Variants in MAEA observed in about 807,000 individuals in gnomAD.
The protein encoded by MAEA is E3 ubiquitin-protein transferase MAEA.
Under a neutral mutation model 46.2 loss-of-function variants are expected in MAEA, and 22 were observed. That is an observed-to-expected ratio of 0.48 (90% CI 0.34 to 0.68). The LOEUF (loss-of-function observed/expected upper bound fraction) is 0.68. MAEA is among the 30% of genes least tolerant of loss of function. The pLI, the probability that MAEA is intolerant of heterozygous loss-of-function variation, is 0.01. For synonymous variants in MAEA, 246 were observed against 222.6 expected (o/e 1.11, Z -0.94); for missense variants, 393 against 558.1 (o/e 0.70, Z 2.98).
chr4:1,309,088 C>T (rs1736119646), intron 1 of MAEA, among the ~76,000 whole-genome samples: 1 of 152,184 alleles, frequency 6.6e-6, no homozygotes, highest in African/African-American at 2.4e-5. Flanking sequence ...TGGCCCCTCT[C>T]TGCATTGCTG....
At chr4:1,317,386 C>CTCCGGACTCATCTGCAGGCCCCACAT (rs1443186621) in intron 3 of MAEA, among the ~76,000 whole-genome samples, 2 of 149,900 alleles carry the variant, frequency 1.3e-5, no homozygotes, top group African/African-American at 5.0e-5. Context: ...AGGCCCCACA[C>CTCCGGACTCATCTGCAGGCCCCACAT]TCCGGACTCA....
At chr4:1,308,521 C>A (rs1024166208) in intron 1 of MAEA, among the ~76,000 whole-genome samples, 1 of 152,218 alleles carries the variant, frequency 6.6e-6, no homozygotes, top group African/African-American at 2.4e-5. Context: ...CTACACGCTG[C>A]GCCGGGCACG....
chr4:1,327,769 C>T (rs1739032996), intron 5 of MAEA, 66 bp downstream of exon 5: 3 of 1,449,730 alleles, frequency 2.1e-6, no homozygotes, highest in African/African-American at 2.8e-5. Flanking sequence ...CCCTGCCAGC[C>T]CTCCCTGTCG....
intron 1 of MAEA, among the ~76,000 whole-genome samples, chr4:1,306,768 G>C (rs188674810): frequency 3.9e-5 from 6 of 152,352 alleles, no homozygotes; most frequent in Admixed American, 1.3e-4. Context: ...ATTGTTGCCT[G>C]TCTCAAGGAT....
intron 5 of MAEA, chr4:1,329,277 G>C: frequency 1.0e-6 from 1 of 983,042 alleles, no homozygotes; most frequent in African/African-American, 1.7e-5. Context: ...TGTTCCCCCC[G>C]CTCCGCGTAG....
At chr4:1,308,289 A>G (rs142736984) in intron 1 of MAEA, among the ~76,000 whole-genome samples, 139 of 152,268 alleles carry the variant, frequency 9.1e-4, no homozygotes, top group African/African-American at 3.2e-3. Context: ...GACCACTATC[A>G]CCTGCACGGT....
Position 1,292,526 on chromosome 4 carries a change from G to A in MAEA, c.69+2544G>A, listed in dbSNP as rs557791554. 1.2e-4 allele frequency among the ~76,000 whole-genome samples: 19 copies of A among 152,250 alleles called. 1 individual carries two copies. The highest frequency in any genetic ancestry group is 8.5e-4 in the Admixed American group (13 of 15,302). On this transcript the variant is annotated intron_variant, in intron 1 of 8. Coordinates refer to ENST00000303400, the MANE Select transcript of MAEA (RefSeq NM_001017405.3). ...TCTATTTCCACCAAAGGGGTGGACC[G>A]GCCTGCGAACGTTTGGGCTGGAGGA...
intron 7 of MAEA, chr4:1,338,044 C>T (rs571318081): frequency 2.8e-5 from 6 of 215,652 alleles, no homozygotes; most frequent in South Asian, 8.6e-5. Flanking sequence ...GAACTCTGGG[C>T]GAGAGGGCTG....
At position 1,340,094 on chromosome 4, in the gene MAEA, CTG is replaced by C. The variant is rs71790588; in HGVS notation, c.*927_*928del. ...ATGTTGATGTTGACTAGCTAATAAA[CTG>C]TAAATGTAAACCATGCGAATAAAAT... On this transcript the variant is annotated 3_prime_UTR_variant, in exon 9 of 9. Coordinates refer to ENST00000303400, the MANE Select transcript of MAEA (RefSeq NM_001017405.3). The C allele has an allele frequency of 0.017, 2,593 of 152,806 alleles. 32 individuals are homozygous for C. Among genetic ancestry groups the C allele is most frequent in the Non-Finnish European group, 0.028 (1,924 of 68,038 alleles). 9.5% of individuals were successfully genotyped at this position (152,806 alleles called of 1,614,324 possible). A position where few individuals can be genotyped will look rare whatever the true frequency, so the allele number is the denominator to read the frequency against.
In MAEA at chr4:1,315,488, C is replaced by T. The variant is rs762644724; in HGVS notation, c.344C>T (p.Ala115Val). Residue 115 changes from alanine (A) to valine (V), a missense_variant, in exon 3 of 9, where the codon GCG becomes GTG. By Grantham distance (64) the Ala-to-Val change is moderately conservative. Transcript: ENST00000303400. ...HLKEHSSDQPAAASVWKRKRM... is the reference protein window; with the variant it reads ...HLKEHSSDQPVAASVWKRKRM... ...AAAGAGCATAGCAGCGACCAGCCCG[C>T]GGCGGCCAGCGTGTGGAAGAGGAAG... The T allele has an allele frequency of 1.4e-5, 22 of 1,613,870 alleles. No homozygotes were observed. Among genetic ancestry groups the T allele is most frequent in the Admixed American group, 5.0e-5 (3 of 60,006 alleles).
At position 1,294,910 on chromosome 4, in the gene MAEA, T is replaced by A. The variant is rs1734486211; in HGVS notation, c.69+4928T>A. Reference sequence around the variant, plus strand: ...GGAGCTAAGTTTTGGGGTGAGGCTCTGTGGACCGTGTTGAAGTCCTGGCCG... The same window carrying A: ...GGAGCTAAGTTTTGGGGTGAGGCTCAGTGGACCGTGTTGAAGTCCTGGCCG... On this transcript the variant is annotated intron_variant, in intron 1 of 8. Coordinates refer to ENST00000303400, the MANE Select transcript of MAEA (RefSeq NM_001017405.3). 2.6e-5 allele frequency among the ~76,000 whole-genome samples: 4 copies of A among 152,128 alleles called. No homozygotes were observed. The South Asian group carries it at 6.2e-4, about 24-fold the overall frequency.
At chr4:1,323,654 C>A in intron 4 of MAEA, 1 of 700,590 alleles carries the variant, frequency 1.4e-6, no homozygotes, top group South Asian at 1.5e-5. Flanking sequence ...CCCACACTCC[C>A]TCCCAGAGAG....
intron 1 of MAEA, chr4:1,309,381 C>G: frequency 8.1e-7 from 1 of 1,235,962 alleles, no homozygotes; most frequent in East Asian, 3.2e-5. Flanking sequence ...TGGAGGGGAG[C>G]TTTTAGGGCC....
Position 1,312,061 on chromosome 4 carries a change from T to G in MAEA, c.152T>G (p.Val51Gly). 1 of 1,613,920 alleles carries G rather than the reference T, an allele frequency of 6.2e-7. No homozygotes were observed. The highest frequency in any genetic ancestry group is 2.2e-5 in the East Asian group (1 of 44,882). ...GAGACCAGCCACGTCACCATGGTGGTGGCCGAGCTGGAGAAGACGTTGAGC... is the reference window on the plus strand; with the variant it reads ...GAGACCAGCCACGTCACCATGGTGGGGGCCGAGCTGGAGAAGACGTTGAGC... ...DRETSHVTMV[V>G]AELEKTLSGC... Residue 51 changes from valine (V) to glycine (G), a missense_variant, in exon 2 of 9, where the codon GTG becomes GGG. By Grantham distance (109) the Val-to-Gly change is moderately radical. Coordinates refer to ENST00000303400, the MANE Select transcript of MAEA (RefSeq NM_001017405.3).
At chr4:1,307,727 C>G (rs991705665) in intron 1 of MAEA, among the ~76,000 whole-genome samples, 6 of 152,322 alleles carry the variant, frequency 3.9e-5, no homozygotes, top group Admixed American at 3.9e-4. Flanking sequence ...GTGTAAGTCC[C>G]AACATCCAAA....
chr4:1,304,590 G>A (rs1166383000), intron 1 of MAEA, among the ~76,000 whole-genome samples: 1 of 151,956 alleles, frequency 6.6e-6, no homozygotes, highest in African/African-American at 2.4e-5. Context: ...ACAGGCACCC[G>A]CCACCACGCC....
intron 1 of MAEA, among the ~76,000 whole-genome samples, chr4:1,307,243 A>G (rs752163539): frequency 6.6e-6 from 1 of 152,242 alleles, no homozygotes; most frequent in African/African-American, 2.4e-5. Flanking sequence ...CACACAGTAC[A>G]GTCATACCAT....
rs538373620 is a variant in MAEA at position 1,302,726 on chromosome 4, C to T, written c.70-9253C>T. ...CGATCTCCTGACCTCGTGATCCGCCCGCCTCAGCCTCCCAAAGTGCTGGGA... is the reference window on the plus strand; with the variant it reads ...CGATCTCCTGACCTCGTGATCCGCCTGCCTCAGCCTCCCAAAGTGCTGGGA... On this transcript the variant is annotated intron_variant, in intron 1 of 8. Transcript: ENST00000303400. Among the ~76,000 whole-genome samples the T allele has an allele frequency of 1.3e-4, 20 of 152,292 alleles. 1 individual carries two copies. In the South Asian group the frequency reaches 1.9e-3, roughly 14 times the overall value.
At chr4:1,290,651 A>C (rs1734011279) in intron 1 of MAEA, among the ~76,000 whole-genome samples, 1 of 152,236 alleles carries the variant, frequency 6.6e-6, no homozygotes, top group African/African-American at 2.4e-5. Context: ...ATTCCTTAAA[A>C]GATCAAGGTC....
Sources: allele counts gnomAD v4.1 joint callset (sites outside exome capture counted in the v4.1 genomes callset), GRCh38; gene constraint gnomAD v4.1.1; transcripts MANE v1.5; gene names NCBI Gene and HGNC (gene_info 2026-07-23, HGNC 2026-07-21).